The following RPTOR variants were observed in gnomAD, a reference collection of about 807,000 sequenced individuals.
RPTOR encodes regulatory associated protein of MTOR complex 1.
RPTOR carries 21 observed loss-of-function variants against 169.9 expected under a neutral mutation model. The observed-to-expected ratio is 0.12, with a 90% CI of 0.09 to 0.18. RPTOR has a LOEUF of 0.18. RPTOR is among the 10% of genes least tolerant of loss of function. The pLI is 1.00. For synonymous variants in RPTOR, 732 were observed against 753.2 expected (o/e 0.97, Z 0.46); for missense variants, 1,133 against 1,855.9 (o/e 0.61, Z 7.16).
intron 14 of RPTOR, among the ~76,000 whole-genome samples, chr17:80,881,936 T>C (rs960533414): frequency 1.3e-5 from 2 of 152,278 alleles, no homozygotes; most frequent in African/African-American, 4.8e-5. Flanking sequence ...GTGCCTGTTA[T>C]GAGAAAACAT....
chr17:80,724,056 G>A (rs1310645391), intron 4 of RPTOR, among the ~76,000 whole-genome samples: 3 of 151,382 alleles, frequency 2.0e-5, no homozygotes, highest in African/African-American at 4.9e-5. Context: ...GCTGAAGAAA[G>A]TATAAATCAG....
At chr17:80,811,147 C>A (rs111825110) in intron 7 of RPTOR, among the ~76,000 whole-genome samples, 7 of 152,270 alleles carry the variant, frequency 4.6e-5, no homozygotes, top group African/African-American at 1.7e-4. Flanking sequence ...GGTGTTGAAG[C>A]CCTGATCTGA....
rs2065239326 is a variant in RPTOR at position 80,607,761 on chromosome 17, G to T, written c.163-17930G>T. Among the ~76,000 whole-genome samples the T allele has an allele frequency of 2.0e-5, 3 of 151,978 alleles. No homozygotes were observed. In the South Asian group the frequency reaches 6.2e-4, roughly 32 times the overall value. Reference sequence around the variant, plus strand: ...TGCTTGGAGCTGCAGTCCTCATCAGGTACCTGCTCGTTGTACCACCTGCAC... The same window carrying T: ...TGCTTGGAGCTGCAGTCCTCATCAGTTACCTGCTCGTTGTACCACCTGCAC... On this transcript the variant is annotated intron_variant, in intron 1 of 33. Coordinates refer to ENST00000306801, the MANE Select transcript of RPTOR (RefSeq NM_020761.3).
At chr17:80,951,465 A>G (rs149710943) in intron 28 of RPTOR, among the ~76,000 whole-genome samples, 1,886 of 152,224 alleles carry the variant, frequency 0.012, 45 homozygotes, top group African/African-American at 0.043. Flanking sequence ...ACTGCGGGGG[A>G]AGGCAGCAGA....
intron 3 of RPTOR, among the ~76,000 whole-genome samples, chr17:80,703,751 AGCTGGGCTAAC>A (rs2066121000): frequency 6.6e-6 from 1 of 152,160 alleles, no homozygotes; most frequent in South Asian, 2.1e-4. Context: ...TGGGGCCTGG[AGCTGGGCTAAC>A]GCTTTCTTGG....
chr17:80,764,996 C>A (rs112815991), intron 6 of RPTOR, among the ~76,000 whole-genome samples: 1 of 151,662 alleles, frequency 6.6e-6, no homozygotes, highest in Non-Finnish European at 1.5e-5. Flanking sequence ...CCAAAGCAGG[C>A]GAGGATTTAA....
Position 80,892,865 on chromosome 17 carries a change from G to A in RPTOR, c.2238G>A (p.Glu746=), listed in dbSNP as rs1598383349. The A allele has an allele frequency of 1.2e-6, 2 of 1,613,664 alleles. No homozygotes were observed. The highest frequency in any genetic ancestry group is 1.7e-6 in the Non-Finnish European group (2 of 1,179,802). Residue 746 remains glutamate, a synonymous_variant, in exon 19 of 34, where the codon GAG becomes GAA. Coordinates refer to ENST00000306801, the MANE Select transcript of RPTOR (RefSeq NM_020761.3). ...NKSLQNLSLT[E]ESGGAVAFSP... is the part of the protein sequence containing the mutation. ...CTTTGCAGAACCTGAGTTTGACAGA[G>A]GAATGTAAGATCCTGGAAATCGGGT...
At position 80,730,658 on chromosome 17, in the gene RPTOR, C is replaced by G. The variant is rs751301732; in HGVS notation, c.606C>G (p.Ile202Met). 1 of 1,613,110 alleles carries G rather than the reference C, an allele frequency of 6.2e-7. No individual in the cohort carries two copies. The highest frequency in any genetic ancestry group is 8.5e-7 in the Non-Finnish European group (1 of 1,179,574). Residue 202 changes from isoleucine (I) to methionine (M), a missense_variant, in exon 5 of 34, where the codon ATC (isoleucine) becomes ATG (methionine). Ile to Met is a conservative substitution (Grantham distance 10). Transcript: ENST00000306801. This position sits in a 1 kb window ranked among gnomAD's most constrained non-coding sequence, Gnocchi z 4.2. ...ACGACTGCTCCAATGCTGGCTTGAT[C>G]GTCAAGTCCTTCAAGCAGTTCGCAC... is the stretch of plus-strand genomic sequence containing the variant. ...FVYDCSNAGL[I>M]VKSFKQFALQ... is the part of the protein sequence containing the mutation.
At position 80,545,720 on chromosome 17, in the gene RPTOR, A is replaced by G; in HGVS notation, c.91A>G (p.Met31Val). The G allele has an allele frequency of 1.9e-6, 3 of 1,613,888 alleles. No individual in the cohort carries two copies. Among genetic ancestry groups the G allele is most frequent in the Non-Finnish European group, 1.7e-6 (2 of 1,179,878 alleles). Residue 31 changes from methionine to valine, a missense_variant, in exon 1 of 34, where the codon ATG (methionine) becomes GTG (valine). This residue lies in a region of RPTOR where 47 missense variants were observed against 59.5 expected (regional missense o/e 0.79). Transcript: ENST00000306801. ...AGACTGGAACCTACCTTTGGCTTTT[A>G]TGAAAAAGAGGCACTGTGAGAAAAT... ...LTDWNLPLAFMKKRHCEKIEG... is the reference protein window; with the variant it reads ...LTDWNLPLAFVKKRHCEKIEG...
At chr17:80,675,130 G>GT (rs776294998) in intron 3 of RPTOR, among the ~76,000 whole-genome samples, 37 of 151,816 alleles carry the variant, frequency 2.4e-4, no homozygotes, top group Admixed American at 1.2e-3. Context: ...ATTTTAAGTT[G>GT]TTTTTTTTCT....
chr17:80,580,764 A>G (rs1002749166), intron 1 of RPTOR, among the ~76,000 whole-genome samples: 1 of 152,160 alleles, frequency 6.6e-6, no homozygotes, highest in Non-Finnish European at 1.5e-5. Context: ...CTGGGACCAC[A>G]GGTGCATGCC....
intron 4 of RPTOR, among the ~76,000 whole-genome samples, chr17:80,728,063 GTAGA>G (rs957644696): frequency 5.9e-5 from 9 of 152,298 alleles, no homozygotes; most frequent in Non-Finnish European, 1.0e-4. Context: ...GGATCGATAG[GTAGA>G]TAGATAGATT....
intron 3 of RPTOR, among the ~76,000 whole-genome samples, chr17:80,652,031 G>T (rs1328618114): frequency 1.3e-5 from 2 of 150,262 alleles, no homozygotes; most frequent in Non-Finnish European, 1.5e-5. Flanking sequence ...TTAGCTGGGC[G>T]TGGTGGCGGG....
At chr17:80,744,093 C>T (rs1378478939) in intron 5 of RPTOR, among the ~76,000 whole-genome samples, 1 of 113,398 alleles carries the variant, frequency 8.8e-6, no homozygotes, top group African/African-American at 3.4e-5. Context: ...GAGCACAGCC[C>T]TGGTTACTAG....
chr17:80,858,228 G>A (rs1467469485), intron 13 of RPTOR: 3 of 331,636 alleles, frequency 9.0e-6, no homozygotes, highest in African/African-American at 2.1e-5. Flanking sequence ...GGCTGTCCCC[G>A]TGCTCCTGAC....
intron 31 of RPTOR, 43 bp downstream of exon 31, chr17:80,961,523 A>G: frequency 1.3e-6 from 2 of 1,527,550 alleles, no homozygotes; most frequent in South Asian, 1.2e-5. Flanking sequence ...CTGTAAAAAC[A>G]TTATTTTCCC....
At chr17:80,608,656 A>T (rs1317563115) in intron 1 of RPTOR, among the ~76,000 whole-genome samples, 1 of 152,124 alleles carries the variant, frequency 6.6e-6, no homozygotes, top group Non-Finnish European at 1.5e-5. Context: ...GGCTGGGTGC[A>T]TTGCTGCCTT....
chr17:80,949,636 C>T, intron 28 of RPTOR, 89 bp downstream of exon 28: 2 of 1,042,322 alleles, frequency 1.9e-6, no homozygotes, highest in South Asian at 2.5e-5. Context: ...GGGGCTGTCT[C>T]TAAACAGGCT....
At chr17:80,945,879 G>A (rs1040084448) in intron 26 of RPTOR, 98 bp downstream of exon 26, 36 of 666,578 alleles carry the variant, frequency 5.4e-5, no homozygotes, top group Non-Finnish European at 7.6e-5. Flanking sequence ...TTGAAAAGCA[G>A]ATACAAGGCA....
Sources: gnomAD v4.1 joint callset for allele counts (sites outside exome capture counted in the v4.1 genomes callset) on GRCh38, gnomAD v4.1.1 for gene constraint, gnomAD v4.1.1 regional missense constraint, Gnocchi (gnomAD v3.1) non-coding constraint, MANE v1.5 for transcripts, NCBI Gene and HGNC (gene_info 2026-07-23, HGNC 2026-07-21) for gene names.